The following BRWD1 variants were observed in gnomAD, a reference collection of about 807,000 sequenced individuals.
The protein encoded by BRWD1 is bromodomain and WD repeat-containing protein 1.
A neutral mutation model predicts 251.2 loss-of-function variants in BRWD1; 82 were observed. That is an observed-to-expected ratio of 0.33 (90% CI 0.27 to 0.39). The LOEUF is 0.39. Among genes scored for constraint, BRWD1 ranks in the 10% least tolerant of loss-of-function variants. BRWD1 has a pLI of 1.00. For missense variants in BRWD1, 2,233 were observed against 2,711.6 expected, an observed-to-expected ratio of 0.82 and a Z score of 3.92; for synonymous variants, 918 against 902.8, an observed-to-expected ratio of 1.02 and a Z score of -0.30.
intron 18 of BRWD1, among the ~76,000 whole-genome samples, 190 bp from the exon 19 acceptor site, chr21:39,256,018 A>G (rs116001437): frequency 1.2e-3 from 186 of 152,320 alleles, no homozygotes; most frequent in African/African-American, 4.1e-3. Context: ...AGGTCTTGCT[A>G]TGTTGCCCGG....
rs553463611 is a variant in BRWD1 at position 39,269,998 on chromosome 21, A to G, written c.1431T>C (p.His477=). The change falls in exon 15 of 41, where the codon CAT becomes CAC. Residue 477 remains histidine (H), a synonymous_variant. Transcript: ENST00000342449. ...ATAACATAATTCTGGAATCAAAGGG[A>G]TGTGTCTCCAGAACAAATACTTCAT... is the stretch of plus-strand genomic sequence containing the variant. ...HADEVFVLET[H]PFDSRIMLSA... 3.1e-6 allele frequency: 5 copies of G among 1,593,796 alleles called. No individual in the cohort carries two copies. In the African/African-American group the frequency reaches 5.4e-5, roughly 17 times the overall value.
rs2031447942 is a variant in BRWD1 at position 39,189,754 on chromosome 21, CAAGA to C, written c.*6501_*6504del. 1.0e-6 allele frequency: 1 copy of C among 983,296 alleles called. No homozygotes were observed. The highest frequency in any genetic ancestry group is 4.7e-5 in the South Asian group (1 of 21,254). The allele number at this position is 983,296 out of a possible 1,614,324, so 60.9% of individuals were successfully genotyped here. Reference sequence around the variant, plus strand: ...GAGTAAATTATAAAGTGCTTTTTCTCAAGAAAACTACAAACAGTTTTAGAAATAT... The same window carrying C: ...GAGTAAATTATAAAGTGCTTTTTCTCAAACTACAAACAGTTTTAGAAATAT... On this transcript the variant is annotated 3_prime_UTR_variant, in exon 41 of 41. Transcript: ENST00000342449.
In BRWD1 at chr21:39,278,811, G is replaced by T. The variant is rs2035359517; in HGVS notation, c.935C>A (p.Pro312Gln). 6.3e-7 allele frequency: 1 copy of T among 1,581,146 alleles called. No individual in the cohort carries two copies. The highest frequency in any genetic ancestry group is 1.2e-5 in the South Asian group (1 of 84,050). The change falls in exon 10 of 41, where the codon CCA (proline) becomes CAA (glutamine). Residue 312 changes from proline to glutamine, a missense_variant and splice_region_variant. This residue lies in a region of BRWD1 where 315 missense variants were observed against 421.8 expected (regional missense o/e 0.75). Transcript: ENST00000342449. ...CTTTTCAGTGAACTTCAGGGGACGTGGGCTTTAAAAGAAGAAGATGCTGCT... is the reference window on the plus strand; with the variant it reads ...CTTTTCAGTGAACTTCAGGGGACGTTGGCTTTAAAAGAAGAAGATGCTGCT... ...QWDLESLKFSPRPLKFTEKPR... is the reference protein window; with the variant it reads ...QWDLESLKFSQRPLKFTEKPR...
chr21:39,313,861 C>A, upstream of BRWD1: 1 of 342,788 alleles, frequency 2.9e-6, no homozygotes, highest in Non-Finnish European at 5.5e-6. Context: ...GGCGCGTGGT[C>A]CGAATCCCTG....
At chr21:39,197,657 A>AGGTTTGT (rs1237566986) in intron 40 of BRWD1, among the ~76,000 whole-genome samples, 3 of 152,146 alleles carry the variant, frequency 2.0e-5, no homozygotes, top group Admixed American at 2.0e-4. Flanking sequence ...CAAACCTTAC[A>AGGTTTGT]GTACACCCTA....
chr21:39,314,063 C>T (rs1417325660), upstream of BRWD1: 1 of 455,868 alleles, frequency 2.2e-6, no homozygotes, highest in Non-Finnish European at 4.4e-6. Flanking sequence ...GTCGCCCGCT[C>T]CGGGTCGCTC....
At chr21:39,261,890 A>T (rs577997255) in intron 17 of BRWD1, among the ~76,000 whole-genome samples, 1 of 152,332 alleles carries the variant, frequency 6.6e-6, no homozygotes, top group East Asian at 1.9e-4. Context: ...AATACTCTAC[A>T]CTTAATAGAG....
intron 14 of BRWD1, 84 bp from the exon 15 acceptor site, chr21:39,270,117 A>G (rs1157494834): frequency 7.8e-7 from 1 of 1,283,870 alleles, no homozygotes; most frequent in East Asian, 2.6e-5. Flanking sequence ...TACAGCATAT[A>G]CTTTTAGAAA....
At chr21:39,318,172 C>T (rs1039446324), upstream of BRWD1, among the ~76,000 whole-genome samples, 2 of 152,022 alleles carry the variant, frequency 1.3e-5, no homozygotes, top group African/African-American at 4.8e-5. Context: ...TCCAAATCAC[C>T]ACTTAGGAAG....
intron 29 of BRWD1, among the ~76,000 whole-genome samples, chr21:39,222,620 A>T (rs902873445): frequency 6.6e-6 from 1 of 152,240 alleles, no homozygotes; most frequent in Non-Finnish European, 1.5e-5. Context: ...ATTTCACAAA[A>T]ATCTGAGTAC....
Position 39,301,982 on chromosome 21 carries a change from T to G in BRWD1, c.199-3400A>C, listed in dbSNP as rs1249814133. ...CTTTGTTAAAAAGCTTTGTGTGTTTTTTTTTTTTTTTTTTTTTTTTGAGAC... is the reference window on the plus strand; with the variant it reads ...CTTTGTTAAAAAGCTTTGTGTGTTTGTTTTTTTTTTTTTTTTTTTTGAGAC... On this transcript the variant is annotated intron_variant, in intron 4 of 40. Transcript: ENST00000342449. Among the ~76,000 whole-genome samples the G allele has an allele frequency of 3.9e-3, 526 of 134,072 alleles. 3 individuals are homozygous for G. The highest frequency in any genetic ancestry group is 5.3e-3 in the Non-Finnish European group (335 of 63,450). 88.0% of individuals were successfully genotyped at this position (134,072 alleles called of 152,430 possible).
rs1177544484 is a variant in BRWD1 at position 39,292,122 on chromosome 21, TGGGTGGGGG to T, written c.831+1680_831+1688del. 0.017 allele frequency among the ~76,000 whole-genome samples: 38 copies of T among 2,184 alleles called. No individual in the cohort carries two copies. The East Asian group carries it at 0.33, about 19-fold the overall frequency. 1.4% of individuals were successfully genotyped at this position (2,184 alleles called of 152,430 possible). ...TTGCCAAACTATTTTTTGTGGGGGG[TGGGTGGGGG>T]TGGGGGGGGGGGTCTCACTAAGTTG... On this transcript the variant is annotated intron_variant, in intron 8 of 40. Transcript: ENST00000342449.
In BRWD1 at chr21:39,201,097, T is replaced by C. The variant is rs1335795650; in HGVS notation, c.4586-711A>G. The stretch of plus-strand genomic sequence containing the variant: ...TTCAATTCCAGCATTTCAGAAGACA[T>C]AGTTTGCATGTCTCACCATCCTTTT... On this transcript the variant is annotated intron_variant, in intron 38 of 40. Transcript: ENST00000342449. Among the ~76,000 whole-genome samples the C allele has an allele frequency of 3.9e-5, 6 of 152,186 alleles. No homozygotes were observed. In the South Asian group the frequency reaches 6.2e-4, roughly 16 times the overall value.
chr21:39,196,762 T>C lies in BRWD1; in HGVS notation c.6307A>G (p.Thr2103Ala), dbSNP rs199862434. Residue 2103 changes from threonine (T) to alanine (A), a missense_variant, in exon 41 of 41, where the codon ACC (threonine) becomes GCC (alanine). This residue lies in a region of BRWD1 where 928 missense variants were observed against 970.0 expected (regional missense o/e 0.96). Transcript: ENST00000342449. ...TTACTAAAAGGAGCCTTTCCATAGG[T>C]CCTGAGTCTTCTGCCATTCCACCTG... is the stretch of plus-strand genomic sequence containing the variant. ...LRRWNGRRLR[T>A]YGKAPFSKTK... 1 of 1,613,374 alleles carries C rather than the reference T, an allele frequency of 6.2e-7. No individual in the cohort carries two copies. The highest frequency in any genetic ancestry group is 2.2e-5 in the East Asian group (1 of 44,878).
At chr21:39,279,427 T>C (rs1490003707) in intron 9 of BRWD1, among the ~76,000 whole-genome samples, 1 of 151,864 alleles carries the variant, frequency 6.6e-6, no homozygotes, top group Non-Finnish European at 1.5e-5. Flanking sequence ...TCACCTGAGA[T>C]CAGGAGTTTG....
intron 7 of BRWD1, among the ~76,000 whole-genome samples, chr21:39,294,637 A>G (rs1033159434): frequency 1.1e-4 from 17 of 149,002 alleles, no homozygotes; most frequent in Non-Finnish European, 1.8e-4. Flanking sequence ...CCTAGGTGAC[A>G]GAGTGAGACT....
intron 26 of BRWD1, among the ~76,000 whole-genome samples, chr21:39,228,989 T>C (rs1443004297): frequency 2.0e-5 from 3 of 152,182 alleles, no homozygotes; most frequent in Non-Finnish European, 2.9e-5. Flanking sequence ...AGCACAGGTG[T>C]AGGAAATTAT....
At chr21:39,267,276 T>C (rs1191168274) in intron 15 of BRWD1, among the ~76,000 whole-genome samples, 2 of 151,742 alleles carry the variant, frequency 1.3e-5, no homozygotes, top group Non-Finnish European at 1.5e-5. Context: ...TCAGCATCAA[T>C]AGGATGCTAC....
chr21:39,190,162 C>CTGG lies in BRWD1; in HGVS notation c.*6096_*6097insCCA. ...TGGTGAATAGAAACCTGGATACAAA[C>CTGG]ATAACAGTTCTGACTCAACACAATC... On this transcript the variant is annotated 3_prime_UTR_variant, in exon 41 of 41. Coordinates refer to ENST00000342449, the MANE Select transcript of BRWD1 (RefSeq NM_033656.4). The CTGG allele has an allele frequency of 2.0e-6, 2 of 984,770 alleles. No homozygotes were observed. The highest frequency in any genetic ancestry group is 2.4e-6 in the Non-Finnish European group (2 of 829,378). 61.0% of individuals were successfully genotyped at this position (984,770 alleles called of 1,614,324 possible). A position where few individuals can be genotyped will look rare whatever the true frequency, so the allele number is the denominator to read the frequency against.
Sources: allele counts gnomAD v4.1 joint callset (sites outside exome capture counted in the v4.1 genomes callset), GRCh38; gene constraint gnomAD v4.1.1; regional missense constraint gnomAD v4.1.1; transcripts MANE v1.5; gene names NCBI Gene and HGNC (gene_info 2026-07-23, HGNC 2026-07-21).